The following DIP2B variants were observed in gnomAD, a reference collection of about 807,000 sequenced individuals.
The protein encoded by DIP2B is DIP2 acetate--CoA ligase B (putative).
A neutral mutation model predicts 198.0 loss-of-function variants in DIP2B; 76 were observed. The ratio of observed to expected loss-of-function variants is 0.38; its 90% confidence interval spans 0.32 to 0.46. The LOEUF (loss-of-function observed/expected upper bound fraction) is 0.46. Among genes scored for constraint, DIP2B ranks in the 20% least tolerant of loss-of-function variants. The pLI is 0.99. For missense variants in DIP2B, 1,559 were observed against 1,978.4 expected (o/e 0.79, Z 4.02); for synonymous variants, 701 against 739.1 (o/e 0.95, Z 0.84).
chr12:50,508,482 C>G (rs1383501821), intron 1 of DIP2B, among the ~76,000 whole-genome samples: 3 of 152,106 alleles, frequency 2.0e-5, no homozygotes, highest in Non-Finnish European at 4.4e-5. Flanking sequence ...TTGAGCTTTA[C>G]TAAACTTCAC....
chr12:50,675,541 C>A, intron 7 of DIP2B, 93 bp downstream of exon 7: 1 of 1,238,740 alleles, frequency 8.1e-7, no homozygotes, highest in Non-Finnish European at 1.1e-6. Flanking sequence ...AAAGAATGAA[C>A]AAGACACAGT....
chr12:50,696,712 G>A (rs1257488288), intron 16 of DIP2B, among the ~76,000 whole-genome samples: 2 of 152,178 alleles, frequency 1.3e-5, no homozygotes, highest in Admixed American at 1.3e-4. Flanking sequence ...ATATTAAATT[G>A]CACTGGCTAT....
At chr12:50,744,339 T>G (rs1940309921) in intron 37 of DIP2B, among the ~76,000 whole-genome samples, 1 of 152,064 alleles carries the variant, frequency 6.6e-6, no homozygotes. Flanking sequence ...TCCCAGGAGA[T>G]TCTGGACAAC....
chr12:50,607,924 G>T (rs1464723859), intron 1 of DIP2B, among the ~76,000 whole-genome samples: 1 of 152,192 alleles, frequency 6.6e-6, no homozygotes, highest in Non-Finnish European at 1.5e-5. Flanking sequence ...CTTCTGAGTA[G>T]CTGGGACTGC....
intron 4 of DIP2B, among the ~76,000 whole-genome samples, chr12:50,668,582 T>C (rs555772955): frequency 1.3e-5 from 2 of 152,342 alleles, no homozygotes; most frequent in South Asian, 4.1e-4. Flanking sequence ...AACCTAATCA[T>C]GAAAATACTG....
intron 7 of DIP2B, among the ~76,000 whole-genome samples, chr12:50,676,475 T>C (rs1938948780): frequency 6.6e-6 from 1 of 152,200 alleles, no homozygotes; most frequent in African/African-American, 2.4e-5. Flanking sequence ...GTGGACGTCT[T>C]TCATGATGTA....
At chr12:50,733,686 A>G (rs4768910) in intron 32 of DIP2B, among the ~76,000 whole-genome samples, 146,306 of 152,316 alleles carry the variant, frequency 0.96, 70,558 homozygotes, top group East Asian at 1. Flanking sequence ...CAACCTGGGC[A>G]ACAGATTGAG....
At chr12:50,669,599 A>G (rs1240885143) in intron 4 of DIP2B, among the ~76,000 whole-genome samples, 1 of 152,062 alleles carries the variant, frequency 6.6e-6, no homozygotes, top group Non-Finnish European at 1.5e-5. Context: ...TAATTTTTGT[A>G]TTTTTAGTAA....
At chr12:50,704,880 C>G (rs1939486065) in intron 20 of DIP2B, among the ~76,000 whole-genome samples, 1 of 152,014 alleles carries the variant, frequency 6.6e-6, no homozygotes, top group Non-Finnish European at 1.5e-5. Context: ...AGGAGAATCG[C>G]TTAAACCCAG....
chr12:50,530,636 C>G (rs1255753424), intron 1 of DIP2B, among the ~76,000 whole-genome samples: 1 of 152,144 alleles, frequency 6.6e-6, no homozygotes, highest in African/African-American at 2.4e-5. Context: ...CTGAAATGAG[C>G]TGTCTCTGCA....
chr12:50,592,428 A>G (rs1031101088), intron 1 of DIP2B, among the ~76,000 whole-genome samples: 1 of 152,134 alleles, frequency 6.6e-6, no homozygotes, highest in Non-Finnish European at 1.5e-5. Context: ...AAGTGCTGGC[A>G]TTATAGTTAT....
At chr12:50,569,003 T>G (rs568457933) in intron 1 of DIP2B, among the ~76,000 whole-genome samples, 18 of 151,984 alleles carry the variant, frequency 1.2e-4, no homozygotes, top group Non-Finnish European at 2.4e-4. Context: ...CCCTCCCCTC[T>G]CAACTAATTT....
At chr12:50,648,451 C>G (rs1938389474) in intron 3 of DIP2B, among the ~76,000 whole-genome samples, 1 of 152,148 alleles carries the variant, frequency 6.6e-6, no homozygotes, top group Non-Finnish European at 1.5e-5. Context: ...GCAGGCTCCG[C>G]CTCCTGGGTT....
chr12:50,571,340 AT>A (rs1459649390), intron 1 of DIP2B, among the ~76,000 whole-genome samples: 1 of 150,754 alleles, frequency 6.6e-6, no homozygotes, highest in Non-Finnish European at 1.5e-5. Flanking sequence ...CCTAGCTAAA[AT>A]TTATATTTTT....
Position 50,678,741 on chromosome 12 carries a change from G to A in DIP2B, c.979G>A (p.Glu327Lys). 1 of 1,614,206 alleles carries A rather than the reference G, an allele frequency of 6.2e-7. No homozygotes were observed. The highest frequency in any genetic ancestry group is 8.5e-7 in the Non-Finnish European group (1 of 1,180,034). Reference sequence around the variant, plus strand: ...ACGGCAGATGACCCCTGTGAAAGGAGAGCCTTTAGGAGTCATCTGTAACTG... The same window carrying A: ...ACGGCAGATGACCCCTGTGAAAGGAAAGCCTTTAGGAGTCATCTGTAACTG... ...EGRQMTPVKG[E>K]PLGVICNWPP... Residue 327 changes from glutamate to lysine, a missense_variant, in exon 8 of 38, where the codon GAG becomes AAG. Glu to Lys is a moderately conservative substitution (Grantham distance 56, BLOSUM62 1). Coordinates refer to ENST00000301180, the MANE Select transcript of DIP2B (RefSeq NM_173602.3).
chr12:50,604,227 T>G (rs1958962948), intron 1 of DIP2B, among the ~76,000 whole-genome samples: 1 of 146,440 alleles, frequency 6.8e-6, no homozygotes, highest in South Asian at 2.3e-4. Context: ...TAAATATGAT[T>G]GATTATATAC....
intron 36 of DIP2B, among the ~76,000 whole-genome samples, chr12:50,740,428 A>G (rs887004270): frequency 2.0e-5 from 3 of 152,294 alleles, no homozygotes; most frequent in Admixed American, 2.0e-4. Flanking sequence ...AATGGGGATG[A>G]CTGTGTTTCT....
chr12:50,744,900 G>C lies in DIP2B; in HGVS notation c.*61G>C. On this transcript the variant is annotated 3_prime_UTR_variant, in exon 38 of 38. Transcript: ENST00000301180. ...GAATCACAAAGACAGAAGACCTCTG[G>C]CTAAGAGCAGGCTTCAAACGATGTG... 2 of 1,582,828 alleles carry C rather than the reference G, an allele frequency of 1.3e-6. No individual in the cohort carries two copies. The highest frequency in any genetic ancestry group is 2.3e-5 in the South Asian group (2 of 87,964).
chr12:50,697,533 CTTTTTTTTTTTTTT>C (rs11306905), intron 17 of DIP2B, among the ~76,000 whole-genome samples: 2 of 45,970 alleles, frequency 4.4e-5, no homozygotes, highest in Non-Finnish European at 7.1e-5. Flanking sequence ...TATAGATATA[CTTTTTTTTTTTTTT>C]TTTTTTTTTT....
Sources: gnomAD v4.1 joint callset for allele counts (sites outside exome capture counted in the v4.1 genomes callset) on GRCh38, gnomAD v4.1.1 for gene constraint, MANE v1.5 for transcripts, NCBI Gene and HGNC (gene_info 2026-07-23, HGNC 2026-07-21) for gene names.